RASGRP4: variants seen among roughly 807,000 people sequenced by gnomAD.
The protein encoded by RASGRP4 is RAS guanyl-releasing protein 4.
A neutral mutation model predicts 84.4 loss-of-function variants in RASGRP4; 52 were observed. The observed-to-expected ratio is 0.62, with a 90% CI of 0.49 to 0.78. RASGRP4 has a LOEUF of 0.78. Among genes scored for constraint, RASGRP4 ranks in the 30% least tolerant of loss-of-function variants. The pLI is 0.00. For synonymous variants in RASGRP4, 356 were observed against 359.1 expected, an observed-to-expected ratio of 0.99 and a Z score of 0.10; for missense variants, 760 against 886.9, an observed-to-expected ratio of 0.86 and a Z score of 1.82.
At chr19:38,422,607 A>G (rs1971809435) in intron 1 of RASGRP4, among the ~76,000 whole-genome samples, 1 of 148,136 alleles carries the variant, frequency 6.8e-6, no homozygotes, top group African/African-American at 2.4e-5. Context: ...CGTGCTGTTT[A>G]TGATGCCTGA....
At position 38,418,382 on chromosome 19, in the gene RASGRP4, G is replaced by A. The variant is rs754532094; in HGVS notation, c.837+9C>T. The A allele has an allele frequency of 8.1e-6, 13 of 1,601,020 alleles. No individual in the cohort carries two copies. Among genetic ancestry groups the A allele is most frequent in the Middle Eastern group, 1.9e-4 (1 of 5,194 alleles). ...AGTGGAGTTCGCAGCCCCAAGGGGC[G>A]GGCCTCACCTGTGCCACGTGAATGA... On this transcript the variant is annotated intron_variant, in intron 7 of 16. Transcript: ENST00000615439. The surrounding 1 kb of genome is among the most constrained non-coding windows in gnomAD (Gnocchi z 4.6).
Position 38,412,715 on chromosome 19 carries a change from A to G in RASGRP4, c.1637T>C (p.Val546Ala). Residue 546 changes from valine (V) to alanine (A), a missense_variant, in exon 13 of 17, where the codon GTC becomes GCC. Physicochemically the swap from Val to Ala is moderately conservative, Grantham distance 64. Coordinates refer to ENST00000615439, the MANE Select transcript of RASGRP4 (RefSeq NM_170604.3). The surrounding 1 kb of genome is among the most constrained non-coding windows in gnomAD (Gnocchi z 4.6). ...GCAGAAGGTAGGCTTTCGGAAGGTGACCTCATGGAAGGTGTGCAGGAAGGC... is the reference window on the plus strand; with the variant it reads ...GCAGAAGGTAGGCTTTCGGAAGGTGGCCTCATGGAAGGTGTGCAGGAAGGC... ...GLAFLHTFHEVTFRKPTFCDS... is the reference protein window; with the variant it reads ...GLAFLHTFHEATFRKPTFCDS... The G allele has an allele frequency of 6.2e-7, 1 of 1,613,078 alleles. No individual in the cohort carries two copies. Among genetic ancestry groups the G allele is most frequent in the Non-Finnish European group, 8.5e-7 (1 of 1,179,554 alleles).
intron 16 of RASGRP4, 121 bp from the exon 17 acceptor site, chr19:38,410,217 C>T (rs575997362): frequency 5.8e-6 from 4 of 690,498 alleles, no homozygotes; most frequent in South Asian, 2.0e-5. Context: ...GAATGAACGT[C>T]CCCTGTGGAA....
At chr19:38,411,808 T>C (rs1054341338) in intron 13 of RASGRP4, among the ~76,000 whole-genome samples, 1 of 152,234 alleles carries the variant, frequency 6.6e-6, no homozygotes, top group Non-Finnish European at 1.5e-5. Context: ...GGGCAAGAGT[T>C]GTCTGCTGTA....
intron 2 of RASGRP4, 101 bp downstream of exon 2, chr19:38,421,868 C>G: frequency 1.1e-6 from 1 of 927,048 alleles, no homozygotes; most frequent in South Asian, 1.5e-5. Flanking sequence ...TTCATTCCAC[C>G]CAGCCCTGTT....
chr19:38,420,559 C>T (rs1220481264), intron 4 of RASGRP4, among the ~76,000 whole-genome samples: 2 of 143,630 alleles, frequency 1.4e-5, no homozygotes, highest in Non-Finnish European at 1.5e-5. Flanking sequence ...TGGGGGCTTC[C>T]GGGGGTGAAA....
Position 38,420,121 on chromosome 19 carries a change from GC to G in RASGRP4, c.509+9del. 1 of 1,611,782 alleles carries G rather than the reference GC, an allele frequency of 6.2e-7. No homozygotes were observed. Among genetic ancestry groups the G allele is most frequent in the Non-Finnish European group, 8.5e-7 (1 of 1,178,802 alleles). ...GGGGCAGGGAAGAGGGGAGCACAGGGCTGACTCACAGGTCAGAAGAGTCTCC... is the reference window on the plus strand; with the variant it reads ...GGGGCAGGGAAGAGGGGAGCACAGGGTGACTCACAGGTCAGAAGAGTCTCC... On this transcript the variant is annotated intron_variant, in intron 5 of 16. Coordinates refer to ENST00000615439, the MANE Select transcript of RASGRP4 (RefSeq NM_170604.3).
chr19:38,424,511 C>T (rs905999051), intron 1 of RASGRP4, among the ~76,000 whole-genome samples: 7 of 151,884 alleles, frequency 4.6e-5, no homozygotes, highest in Admixed American at 1.3e-4. Flanking sequence ...CCTTGAACTC[C>T]TGGACTCGAG....
In RASGRP4 at chr19:38,411,375, C is replaced by G; in HGVS notation, c.1687G>C (p.Gly563Arg). ...FCDSCSGFLW[G>R]VTKQGYRCRE... ...CAGCGGTAGCCTTGCTTGGTGACAC[C>G]CCAGAGCTGGGAAGAGAAAGGAGAA... The change falls in exon 14 of 17, where the codon GGT becomes CGT. Residue 563 changes from glycine (G) to arginine (R), a missense_variant. Physicochemically the swap from Gly to Arg is moderately radical, Grantham distance 125. Coordinates refer to ENST00000615439, the MANE Select transcript of RASGRP4 (RefSeq NM_170604.3). 1 of 1,578,496 alleles carries G rather than the reference C, an allele frequency of 6.3e-7. No homozygotes were observed. The highest frequency in any genetic ancestry group is 1.2e-5 in the South Asian group (1 of 86,854).
chr19:38,422,940 T>C (rs896444367), intron 1 of RASGRP4, among the ~76,000 whole-genome samples: 7 of 151,958 alleles, frequency 4.6e-5, no homozygotes, highest in African/African-American at 1.7e-4. Flanking sequence ...GGAATCACAG[T>C]AGAAGACCCC....
chr19:38,416,682 T>C (rs1971515144), intron 8 of RASGRP4, among the ~76,000 whole-genome samples: 2 of 152,060 alleles, frequency 1.3e-5, no homozygotes, highest in South Asian at 4.1e-4. Context: ...TTCCCTAGCT[T>C]AGCCCATCTT....
At position 38,421,177 on chromosome 19, in the gene RASGRP4, C is replaced by G; in HGVS notation, c.232G>C (p.Glu78Gln). Residue 78 changes from glutamate to glutamine, a missense_variant, in exon 3 of 17, where the codon GAG (glutamate) becomes CAG (glutamine). Glu to Gln is a conservative substitution (Grantham distance 29, BLOSUM62 2). Coordinates refer to ENST00000615439, the MANE Select transcript of RASGRP4 (RefSeq NM_170604.3). ...SFDSAGSLCH[E>Q]DHMLNMVLAM... ...AGCACCATGTTGAGCATGTGGTCCT[C>G]GTGGCACAGGCTGCCAGCTGAATCT... 2 of 1,613,686 alleles carry G rather than the reference C, an allele frequency of 1.2e-6. No individual in the cohort carries two copies. The highest frequency in any genetic ancestry group is 1.3e-5 in the African/African-American group (1 of 75,020).
chr19:38,416,242 T>C (rs369326539), intron 8 of RASGRP4, among the ~76,000 whole-genome samples: 104 of 151,712 alleles, frequency 6.9e-4, no homozygotes, highest in African/African-American at 2.5e-3. Flanking sequence ...GGTGGGTGGA[T>C]CGCCTTAGGT....
At position 38,413,543 on chromosome 19, in the gene RASGRP4, C is replaced by T. The variant is rs556317437; in HGVS notation, c.1231-69G>A. 1 of 1,317,778 alleles carries T rather than the reference C, an allele frequency of 7.6e-7. No individual in the cohort carries two copies. The highest frequency in any genetic ancestry group is 1.1e-6 in the Non-Finnish European group (1 of 936,852). The allele number at this position is 1,317,778 out of a possible 1,614,324, so 81.6% of individuals were successfully genotyped here. Reference sequence around the variant, plus strand: ...TGCCCCAGACCCCCACACCCACTCGCAGGCTCTTCCCAAAGCCCCTCCTGG... The same window carrying T: ...TGCCCCAGACCCCCACACCCACTCGTAGGCTCTTCCCAAAGCCCCTCCTGG... On this transcript the variant is annotated intron_variant, in intron 9 of 16. Transcript: ENST00000615439. This position sits in a 1 kb window ranked among gnomAD's most constrained non-coding sequence, Gnocchi z 4.7.
rs762800780 is a variant in RASGRP4, at chr19:38,421,172, G to T, written c.237C>A (p.Asp79Glu). The T allele has an allele frequency of 6.2e-7, 1 of 1,613,800 alleles. No homozygotes were observed. The highest frequency in any genetic ancestry group is 8.5e-7 in the Non-Finnish European group (1 of 1,179,778). ...TGGCCAGCACCATGTTGAGCATGTG[G>T]TCCTCGTGGCACAGGCTGCCAGCTG... ...FDSAGSLCHE[D>E]HMLNMVLAMH... The change falls in exon 3 of 17, where the codon GAC (aspartate) becomes GAA (glutamate). Residue 79 changes from aspartate (D) to glutamate (E), a missense_variant. Asp to Glu is a conservative substitution (Grantham distance 45, BLOSUM62 2). Coordinates refer to ENST00000615439, the MANE Select transcript of RASGRP4 (RefSeq NM_170604.3).
chr19:38,409,645 GA>G lies in RASGRP4; in HGVS notation c.*394del, dbSNP rs1971137481. The G allele has an allele frequency of 1.3e-5, 2 of 154,428 alleles. No homozygotes were observed. Among genetic ancestry groups the G allele is most frequent in the African/African-American group, 4.8e-5 (2 of 41,608 alleles). 9.6% of individuals were successfully genotyped at this position (154,428 alleles called of 1,614,324 possible). Reference sequence around the variant, plus strand: ...CCCAGCTACTTGGGAGGCTGAGGCAGAAGAATCACTTGAACCCAGGAGGCGG... The same window carrying G: ...CCCAGCTACTTGGGAGGCTGAGGCAGAGAATCACTTGAACCCAGGAGGCGG... On this transcript the variant is annotated 3_prime_UTR_variant, in exon 17 of 17. Coordinates refer to ENST00000615439, the MANE Select transcript of RASGRP4 (RefSeq NM_170604.3).
chr19:38,411,298 A>G (rs778980506), intron 14 of RASGRP4, 47 bp downstream of exon 14: 1 of 1,612,302 alleles, frequency 6.2e-7, no homozygotes, highest in Non-Finnish European at 8.5e-7. Flanking sequence ...CCATTCTTCC[A>G]GCCTGCGGGC....
intron 4 of RASGRP4, among the ~76,000 whole-genome samples, chr19:38,420,565 T>G (rs1600572752): frequency 7.0e-6 from 1 of 143,412 alleles, no homozygotes; most frequent in South Asian, 2.3e-4. Flanking sequence ...CTTCCGGGGG[T>G]GAAATTTTTG....
At chr19:38,419,176 C>CAT (rs1971631187) in intron 6 of RASGRP4, among the ~76,000 whole-genome samples, 1 of 152,102 alleles carries the variant, frequency 6.6e-6, no homozygotes, top group South Asian at 2.1e-4. Context: ...AAAGCTAATG[C>CAT]ATATATATGT....
Sources: allele counts gnomAD v4.1 joint callset (sites outside exome capture counted in the v4.1 genomes callset), GRCh38; gene constraint gnomAD v4.1.1; non-coding constraint Gnocchi (gnomAD v3.1); transcripts MANE v1.5; gene names NCBI Gene and HGNC (gene_info 2026-07-23, HGNC 2026-07-21).